MMP15: variants seen among roughly 807,000 people sequenced by gnomAD.
The protein encoded by MMP15 is matrix metalloproteinase-15.
Under a neutral mutation model 65.0 loss-of-function variants are expected in MMP15, and 36 were observed. The ratio of observed to expected loss-of-function variants is 0.55; its 90% CI spans 0.42 to 0.73. The LOEUF (loss-of-function observed/expected upper bound fraction) is 0.73. MMP15 is among the 30% of genes least tolerant of loss of function. The pLI, the probability that MMP15 is intolerant of heterozygous loss-of-function variation, is 0.00. For missense variants in MMP15, 870 were observed against 987.8 expected, an observed-to-expected ratio of 0.88 and a Z score of 1.60; for synonymous variants, 428 against 410.2, an observed-to-expected ratio of 1.04 and a Z score of -0.52.
chr16:58,044,038 A>T (rs1303089202), intron 9 of MMP15, among the ~76,000 whole-genome samples: 2 of 151,944 alleles, frequency 1.3e-5, no homozygotes, highest in East Asian at 3.9e-4. Context: ...TAGGGGTGAA[A>T]ATCCTCCCAG....
chr16:58,033,801 G>T (rs1048880648), intron 1 of MMP15, among the ~76,000 whole-genome samples: 2 of 152,230 alleles, frequency 1.3e-5, no homozygotes, highest in African/African-American at 4.8e-5. Flanking sequence ...TACTCAGGAG[G>T]CTGAGGCAGA....
At position 58,040,701 on chromosome 16, in the gene MMP15, G is replaced by A. The variant is rs1959435341; in HGVS notation, c.910+3G>A. On this transcript the variant is annotated splice_donor_region_variant and intron_variant, in intron 5 of 9. Transcript: ENST00000219271. ...CCGTGGCATCCAGCAGCTCTACGGT[G>A]CGTGGGCTGTGACCAGCGGGCTCTG... 6.2e-7 allele frequency: 1 copy of A among 1,614,046 alleles called. No individual in the cohort carries two copies. Among genetic ancestry groups the A allele is most frequent in the African/African-American group, 1.3e-5 (1 of 75,074 alleles).
Position 58,041,552 on chromosome 16 carries a change from G to A in MMP15, c.911-65G>A, listed in dbSNP as rs966434698. The A allele has an allele frequency of 2.1e-5, 33 of 1,541,496 alleles. No individual in the cohort carries two copies. The African/African-American group carries it at 3.7e-4, about 17-fold the overall frequency. On this transcript the variant is annotated intron_variant, in intron 5 of 9. Coordinates refer to ENST00000219271, the MANE Select transcript of MMP15 (RefSeq NM_002428.4). ...CCGCGTGGGTGGGCCTGTGCTGGGGGCCCCGGGGCCCAGGGTTCTGAGTAG... is the reference window on the plus strand; with the variant it reads ...CCGCGTGGGTGGGCCTGTGCTGGGGACCCCGGGGCCCAGGGTTCTGAGTAG...
intron 5 of MMP15, among the ~76,000 whole-genome samples, chr16:58,041,041 A>C (rs1959440924): frequency 1.3e-5 from 2 of 151,480 alleles, no homozygotes; most frequent in African/African-American, 2.4e-5. Flanking sequence ...TTCCACCGTC[A>C]CTCCCAGCCT....
intron 1 of MMP15, among the ~76,000 whole-genome samples, chr16:58,029,738 A>AC (rs1963870207): frequency 6.6e-6 from 1 of 151,984 alleles, no homozygotes; most frequent in Non-Finnish European, 1.5e-5. Flanking sequence ...CCTTTGCCCC[A>AC]CCCCAAGGGA....
rs972326603 is a variant in MMP15 at position 58,025,757 on chromosome 16, G to A, written c.-594G>A. 8 of 152,068 alleles carry A rather than the reference G, an allele frequency of 5.3e-5. No individual in the cohort carries two copies. Among genetic ancestry groups the A allele is most frequent in the South Asian group, 2.1e-4 (1 of 4,828 alleles). 9.4% of individuals were successfully genotyped at this position (152,068 alleles called of 1,614,324 possible). On this transcript the variant is annotated 5_prime_UTR_variant, in exon 1 of 10. Transcript: ENST00000219271. ...CGCGGCGGCCGCGGCGCGCGGGGAG[G>A]AGGGCTGGGAGCGCCCGGAGCCGCG...
At chr16:58,043,394 G>A (rs934731894) in intron 8 of MMP15, 34 bp downstream of exon 8, 1 of 1,594,902 alleles carries the variant, frequency 6.3e-7, no homozygotes. Context: ...AGGGGAGAAG[G>A]CCCCATCTAG....
In MMP15 at chr16:58,032,934, C is replaced by T. The variant is rs997391596; in HGVS notation, c.163-4538C>T. Among the ~76,000 whole-genome samples the T allele has an allele frequency of 1.4e-4, 21 of 152,304 alleles. No homozygotes were observed. The South Asian group carries it at 2.1e-3, about 15-fold the overall frequency. The stretch of plus-strand genomic sequence containing the variant: ...AGAGCCCAGTGGAAAGTGTCCTTAT[C>T]GCCTGGGGTCTGATAAGGGCCCCGG... On this transcript the variant is annotated intron_variant, in intron 1 of 9. Coordinates refer to ENST00000219271, the MANE Select transcript of MMP15 (RefSeq NM_002428.4).
intron 9 of MMP15, among the ~76,000 whole-genome samples, 180 bp from the exon 10 acceptor site, chr16:58,044,827 C>T (rs1219081059): frequency 6.6e-6 from 1 of 152,198 alleles, no homozygotes; most frequent in Non-Finnish European, 1.5e-5. Flanking sequence ...TACCCTTAGC[C>T]CAAAGCCCTC....
At chr16:58,038,149 C>G in intron 2 of MMP15, 117 bp from the exon 3 acceptor site, 2 of 1,363,930 alleles carry the variant, frequency 1.5e-6, no homozygotes, top group Non-Finnish European at 2.0e-6. Context: ...CCCCCATCCC[C>G]ACTGTGTCAT....
At chr16:58,027,573 G>C (rs978166754) in intron 1 of MMP15, among the ~76,000 whole-genome samples, 1 of 152,204 alleles carries the variant, frequency 6.6e-6, no homozygotes, top group Non-Finnish European at 1.5e-5. Context: ...CCTGAGCGCC[G>C]TTTCTATTTG....
rs371934612 is a variant in MMP15, at chr16:58,042,304, G to A, written c.1238G>A (p.Arg413His). ...NYPMPIGHFW[R>H]GLPGDISAAY... Reference sequence around the variant, plus strand: ...CCCATGCCCATCGGGCACTTCTGGCGTGGTCTGCCCGGTGACATCAGTGCT... The same window carrying A: ...CCCATGCCCATCGGGCACTTCTGGCATGGTCTGCCCGGTGACATCAGTGCT... The change falls in exon 7 of 10, where the codon CGT (arginine) becomes CAT (histidine). Residue 413 changes from arginine (R) to histidine (H), a missense_variant. Arg to His is a conservative substitution (Grantham distance 29). Transcript: ENST00000219271. 21 of 1,614,116 alleles carry A rather than the reference G, an allele frequency of 1.3e-5. No homozygotes were observed. Among genetic ancestry groups the A allele is most frequent in the South Asian group, 2.2e-5 (2 of 91,090 alleles).
At chr16:58,032,187 C>G (rs564757813) in intron 1 of MMP15, among the ~76,000 whole-genome samples, 12 of 152,290 alleles carry the variant, frequency 7.9e-5, no homozygotes, top group African/African-American at 2.6e-4. Flanking sequence ...CTTTACTGGC[C>G]TTGGGGGTAG....
At chr16:58,026,616 C>T in intron 1 of MMP15, 104 bp downstream of exon 1, 1 of 1,217,972 alleles carries the variant, frequency 8.2e-7, no homozygotes, top group Non-Finnish European at 1.0e-6. Flanking sequence ...GAGACGCGCC[C>T]CCTGTTCTGG....
intron 1 of MMP15, among the ~76,000 whole-genome samples, chr16:58,035,483 A>T (rs963170142): frequency 2.6e-5 from 4 of 152,228 alleles, no homozygotes; most frequent in African/African-American, 9.6e-5. Flanking sequence ...ACAACCACAC[A>T]GGCCTCTGGT....
intron 1 of MMP15, among the ~76,000 whole-genome samples, chr16:58,034,367 C>T (rs576870596): frequency 3.3e-4 from 50 of 152,112 alleles, no homozygotes; most frequent in African/African-American, 7.0e-4. Flanking sequence ...CCCGCGTCCC[C>T]GCCCCCTGCT....
chr16:58,040,323 T>C lies in MMP15; in HGVS notation c.748+141T>C, dbSNP rs1332974155. 4.8e-6 allele frequency: 5 copies of C among 1,041,166 alleles called. No homozygotes were observed. The East Asian group carries it at 1.3e-4, about 27-fold the overall frequency. 64.5% of individuals were successfully genotyped at this position (1,041,166 alleles called of 1,614,324 possible). On this transcript the variant is annotated intron_variant, in intron 4 of 9. Transcript: ENST00000219271. The stretch of plus-strand genomic sequence containing the variant: ...TTGTCTCCAGATCACTACACTCAAT[T>C]TCAGTCTGTTGTCCCACCATCTCCA...
chr16:58,031,928 C>T lies in MMP15; in HGVS notation c.162+5416C>T, dbSNP rs41359046. 2.3e-3 allele frequency among the ~76,000 whole-genome samples: 268 copies of T among 118,276 alleles called. 6 individuals carry two copies. In the East Asian group the frequency reaches 0.028, roughly 13 times the overall value. 77.6% of individuals were successfully genotyped at this position (118,276 alleles called of 152,430 possible). On this transcript the variant is annotated intron_variant, in intron 1 of 9. Coordinates refer to ENST00000219271, the MANE Select transcript of MMP15 (RefSeq NM_002428.4). The stretch of plus-strand genomic sequence containing the variant: ...TGTGGCCCAGGCTGGAGTGCAGTGG[C>T]GTGATCTCGGCTCACTGCAACCTCC...
At chr16:58,037,869 G>T (rs1959367811) in intron 2 of MMP15, among the ~76,000 whole-genome samples, 1 of 152,222 alleles carries the variant, frequency 6.6e-6, no homozygotes, top group Non-Finnish European at 1.5e-5. Context: ...TGTCTGACAT[G>T]GCCAGGGGAG....
Sources: allele counts gnomAD v4.1 joint callset (sites outside exome capture counted in the v4.1 genomes callset), GRCh38; gene constraint gnomAD v4.1.1; transcripts MANE v1.5; gene names NCBI Gene and HGNC (gene_info 2026-07-23, HGNC 2026-07-21).